The following NF1 variants were observed in gnomAD, a reference collection of about 807,000 sequenced individuals.
The protein encoded by NF1 is neurofibromin.
In NF1, 122 loss-of-function variants were observed where a neutral mutation model predicts 325.7. The observed-to-expected ratio is 0.37, with a 90% CI of 0.32 to 0.44. The LOEUF is 0.44. Among genes scored for constraint, NF1 ranks in the 20% least tolerant of loss-of-function variants. The probability of loss-of-function intolerance (pLI) is 1.00; values close to 1 mark genes in which losing one functional copy is unlikely to be tolerated. For synonymous variants in NF1, 1,091 were observed against 1,186.0 expected (o/e 0.92, Z 1.65); for missense variants, 2,140 against 3,415.4 (o/e 0.63, Z 9.31).
intron 1 of NF1, among the ~76,000 whole-genome samples, chr17:31,114,689 A>T (rs2143325783): frequency 6.6e-6 from 1 of 151,104 alleles, no homozygotes; most frequent in Middle Eastern, 3.5e-3. Flanking sequence ...CCCTGTCTCT[A>T]CTAAGAATAC....
At position 31,350,093 on chromosome 17, in the gene NF1, G is replaced by GCACATTTAACAGT. The variant is rs2070100393; in HGVS notation, c.7322-89_7322-88insACATTTAACAGTC. Reference sequence around the variant, plus strand: ...TATGTGCACATTTAACAGGTACTATGCTCTTTAGGAGACTGTAAGAAGTTC... The same window carrying GCACATTTAACAGT: ...TATGTGCACATTTAACAGGTACTATGCACATTTAACAGTCTCTTTAGGAGACTGTAAGAAGTTC... On this transcript the variant is annotated intron_variant, in intron 49 of 57. Transcript: ENST00000358273. 1.3e-5 allele frequency: 18 copies of GCACATTTAACAGT among 1,345,554 alleles called. 1 individual carries two copies. In the South Asian group the frequency reaches 2.1e-4, roughly 16 times the overall value. The allele number at this position is 1,345,554 out of a possible 1,614,324, so 83.4% of individuals were successfully genotyped here. A position where few individuals can be genotyped will look rare whatever the true frequency, so the allele number is the denominator to read the frequency against.
intron 36 of NF1, chr17:31,321,004 A>G (rs2069173098): frequency 6.6e-6 from 1 of 152,256 alleles, no homozygotes; most frequent in Admixed American, 6.5e-5. Flanking sequence ...AGCCAGATGT[A>G]CTGCAGTGCC....
intron 1 of NF1, among the ~76,000 whole-genome samples, chr17:31,108,673 C>G (rs1452854978): frequency 6.6e-6 from 1 of 152,132 alleles, no homozygotes; most frequent in African/African-American, 2.4e-5. Flanking sequence ...CTCACTACCT[C>G]TTTATTATTT....
chr17:31,137,840 T>G (rs1456510851), intron 1 of NF1: 1 of 152,170 alleles, frequency 6.6e-6, no homozygotes, highest in Non-Finnish European at 1.5e-5. Flanking sequence ...TAATATGAAA[T>G]AATTTTTTTT....
intron 12 of NF1, 71 bp downstream of exon 12, chr17:31,206,442 C>T (rs2143916768): frequency 1.3e-6 from 2 of 1,578,490 alleles, no homozygotes; most frequent in Middle Eastern, 1.7e-4. Flanking sequence ...TTATCCTATT[C>T]CTGCTGCTTT....
intron 8 of NF1, among the ~76,000 whole-genome samples, chr17:31,193,132 T>A (rs570008001): frequency 6.6e-6 from 1 of 152,282 alleles, no homozygotes; most frequent in South Asian, 2.1e-4. Context: ...CAAAGTGTGG[T>A]CTTTAGACCA....
chr17:31,254,778 G>A (rs2067554538), intron 31 of NF1, among the ~76,000 whole-genome samples: 1 of 151,374 alleles, frequency 6.6e-6, no homozygotes, highest in South Asian at 2.1e-4. Flanking sequence ...TTAATTTCTG[G>A]GTAACACCAA....
At chr17:31,125,320 A>G (rs1020122002) in intron 1 of NF1, among the ~76,000 whole-genome samples, 30 of 149,282 alleles carry the variant, frequency 2.0e-4, no homozygotes, top group Admixed American at 3.3e-4. Context: ...TATATATTGT[A>G]TATATATATA....
chr17:31,327,973 T>C, intron 38 of NF1, 134 bp downstream of exon 38: 1 of 831,094 alleles, frequency 1.2e-6, no homozygotes, highest in South Asian at 1.5e-5. Context: ...TTAACCACTG[T>C]GACCTCATCA....
At chr17:31,138,027 T>C (rs745813794) in intron 1 of NF1, 6 of 152,124 alleles carry the variant, frequency 3.9e-5, no homozygotes, top group Non-Finnish European at 8.8e-5. Context: ...AATAATAACA[T>C]GTTGGGATAC....
chr17:31,296,375 A>G (rs373607865), intron 36 of NF1: 28 of 1,610,980 alleles, frequency 1.7e-5, no homozygotes, highest in African/African-American at 1.5e-4. Context: ...TTAATATGCA[A>G]ATACAGTTTA....
At chr17:31,116,551 T>G (rs1913932763) in intron 1 of NF1, among the ~76,000 whole-genome samples, 1 of 152,220 alleles carries the variant, frequency 6.6e-6, no homozygotes, top group African/African-American at 2.4e-5. Context: ...ATTTTAAGTC[T>G]TCCCTTTCAA....
chr17:31,250,199 G>A (rs542526503), intron 30 of NF1: 14 of 316,186 alleles, frequency 4.4e-5, no homozygotes, highest in South Asian at 1.1e-4. Flanking sequence ...TTTACAAAAA[G>A]GCTCAAGGAA....
Position 31,213,799 on chromosome 17 carries a change from A to G in NF1, c.1393-652A>G, listed in dbSNP as rs141441636. 2.2e-3 allele frequency among the ~76,000 whole-genome samples: 329 copies of G among 152,310 alleles called. 1 individual carries two copies. The highest frequency in any genetic ancestry group is 7.4e-3 in the African/African-American group (309 of 41,568). On this transcript the variant is annotated intron_variant, in intron 12 of 57. Transcript: ENST00000358273. Reference sequence around the variant, plus strand: ...TTCAGGCAAAATGCATGCATTCTGTAACTTAAAAGAGGTGGAGTGCCGTCG... The same window carrying G: ...TTCAGGCAAAATGCATGCATTCTGTGACTTAAAAGAGGTGGAGTGCCGTCG...
At position 31,253,324 on chromosome 17, in the gene NF1, C is replaced by T. The variant is rs188096431; in HGVS notation, c.4173+324C>T. ...AACTTAATTTCAAGGCCTTAGGAAA[C>T]GCTGACTGTCTTCATTCTTGCTTCT... is the stretch of plus-strand genomic sequence containing the variant. On this transcript the variant is annotated intron_variant, in intron 31 of 57. Coordinates refer to ENST00000358273, the MANE Select transcript of NF1 (RefSeq NM_001042492.3). 9.7e-4 allele frequency: 253 copies of T among 259,702 alleles called. 1 individual carries two copies. The highest frequency in any genetic ancestry group is 1.8e-3 in the Admixed American group (38 of 20,824). 16.1% of individuals were successfully genotyped at this position (259,702 alleles called of 1,614,324 possible). A position where few individuals can be genotyped will look rare whatever the true frequency, so the allele number is the denominator to read the frequency against.
chr17:31,333,645 T>G (rs893842235), intron 39 of NF1, among the ~76,000 whole-genome samples: 3 of 152,226 alleles, frequency 2.0e-5, no homozygotes, highest in African/African-American at 2.4e-5. Flanking sequence ...GTTCTCCATC[T>G]GATGGAATAA....
intron 36 of NF1, among the ~76,000 whole-genome samples, chr17:31,268,624 T>TAA (rs1296165385): frequency 5.9e-5 from 7 of 118,258 alleles, no homozygotes; most frequent in Admixed American, 8.7e-5. Context: ...AGACTCTGTC[T>TAA]AAAAAAAAAA....
rs1233272487 is a variant in NF1, at chr17:31,260,320, T to A, written c.4431-49T>A. 1.9e-6 allele frequency: 3 copies of A among 1,579,386 alleles called. No homozygotes were observed. The East Asian group carries it at 6.7e-5, about 35-fold the overall frequency. On this transcript the variant is annotated intron_variant, in intron 33 of 57. Transcript: ENST00000358273. ...CTTATAAATTTAATTCAAACATAAG[T>A]CTGGGTGTATCTGGTGTTGAAAATT...
chr17:31,365,552 AT>A (rs200708240), intron 57 of NF1, among the ~76,000 whole-genome samples: 6 of 151,930 alleles, frequency 3.9e-5, no homozygotes, highest in South Asian at 4.2e-4. Context: ...AGTGTGCACT[AT>A]TTTTTTTATT....
Sources: allele counts gnomAD v4.1 joint callset (sites outside exome capture counted in the v4.1 genomes callset), GRCh38; gene constraint gnomAD v4.1.1; transcripts MANE v1.5; gene names NCBI Gene and HGNC (gene_info 2026-07-23, HGNC 2026-07-21).